The following FAM227B variants were observed in gnomAD, a reference collection of about 807,000 sequenced individuals.
FAM227B encodes protein FAM227B.
FAM227B carries 88 observed loss-of-function variants against 73.8 expected under a neutral mutation model. The ratio of observed to expected loss-of-function variants is 1.19; its 90% CI spans 1.00 to 1.42. The LOEUF (loss-of-function observed/expected upper bound fraction) is 1.42. Ranked by LOEUF, FAM227B falls within the 40% of genes most tolerant of loss-of-function variation. The pLI, the probability that FAM227B is intolerant of heterozygous loss-of-function variation, is 0.00. For synonymous variants in FAM227B, 210 were observed against 190.5 expected, an observed-to-expected ratio of 1.10 and a Z score of -0.84; for missense variants, 632 against 590.9, an observed-to-expected ratio of 1.07 and a Z score of -0.72.
In FAM227B at chr15:49,381,695, TA is replaced by T. The variant is rs1227338592; in HGVS notation, c.1013-10297del. On this transcript the variant is annotated intron_variant, in intron 11 of 15. Transcript: ENST00000299338. ...AACCAATGCAGTAAGCCAATAAAAA[TA>T]AATAAGAGGTGTAAATATTAGAATG... Among the ~76,000 whole-genome samples, 6 of 152,248 alleles carry T rather than the reference TA, an allele frequency of 3.9e-5. No individual in the cohort carries two copies. The South Asian group carries it at 1.2e-3, about 32-fold the overall frequency.
At chr15:49,565,564 T>C (rs2074590837) in intron 9 of FAM227B, among the ~76,000 whole-genome samples, 1 of 152,110 alleles carries the variant, frequency 6.6e-6, no homozygotes, top group South Asian at 2.1e-4. Context: ...CAGATAAGTA[T>C]TTATAATCAC....
chr15:49,571,567 G>A (rs1194901346), intron 8 of FAM227B, among the ~76,000 whole-genome samples: 1 of 151,820 alleles, frequency 6.6e-6, no homozygotes, highest in East Asian at 1.9e-4. Context: ...TCTGCATGTG[G>A]ATACTCAGTT....
intron 11 of FAM227B, among the ~76,000 whole-genome samples, chr15:49,439,338 A>T (rs931421338): frequency 1.3e-5 from 2 of 151,368 alleles, no homozygotes; most frequent in African/African-American, 4.8e-5. Flanking sequence ...GAGAGAGAGA[A>T]TCTTTAAGAT....
At chr15:49,357,212 G>A (rs1400921335) in intron 13 of FAM227B, among the ~76,000 whole-genome samples, 2 of 149,872 alleles carry the variant, frequency 1.3e-5, no homozygotes, top group Non-Finnish European at 3.0e-5. Flanking sequence ...AAAGCTAGCA[G>A]AAGGCAAGAA....
chr15:49,522,666 A>T (rs1723887860), intron 10 of FAM227B, among the ~76,000 whole-genome samples: 1 of 152,098 alleles, frequency 6.6e-6, no homozygotes, highest in South Asian at 2.1e-4. Context: ...AATAGACTAG[A>T]CCAAGTAGAA....
intron 13 of FAM227B, among the ~76,000 whole-genome samples, chr15:49,340,302 A>G (rs575352500): frequency 6.6e-6 from 1 of 152,190 alleles, no homozygotes; most frequent in Admixed American, 6.5e-5. Flanking sequence ...GGAAAAGCGC[A>G]GTATCTGGGC....
At chr15:49,489,472 T>G (rs1490983459) in intron 11 of FAM227B, 4 of 544,414 alleles carry the variant, frequency 7.3e-6, no homozygotes, top group Non-Finnish European at 9.4e-6. Flanking sequence ...GAACTCCCAA[T>G]GTAGCTGCAA....
In FAM227B at chr15:49,611,227, C is replaced by CT. The variant is rs774538106; in HGVS notation, c.92dup (p.Phe32ValfsTer14). ...ATGCTTTACTCACCCAATTTTGAAA[C>CT]TTTAAGAATTCTTCAATGCTCTTTG... is the stretch of plus-strand genomic sequence containing the variant. On this transcript the variant is annotated frameshift_variant, in exon 3 of 16. Coordinates refer to ENST00000299338, the MANE Select transcript of FAM227B (RefSeq NM_152647.3). LOFTEE classifies it high-confidence loss of function. 20 of 1,589,658 alleles carry CT rather than the reference C, an allele frequency of 1.3e-5. No individual in the cohort carries two copies. Among genetic ancestry groups the CT allele is most frequent in the Non-Finnish European group, 1.7e-5 (20 of 1,161,208 alleles).
intron 3 of FAM227B, among the ~76,000 whole-genome samples, chr15:49,597,990 A>C (rs962800755): frequency 1.3e-5 from 2 of 151,924 alleles, no homozygotes; most frequent in African/African-American, 4.8e-5. Context: ...AATAATTACC[A>C]ACAAAAAAAA....
intron 11 of FAM227B, among the ~76,000 whole-genome samples, chr15:49,415,957 C>T (rs1054087169): frequency 6.6e-6 from 1 of 152,122 alleles, no homozygotes; most frequent in Non-Finnish European, 1.5e-5. Context: ...GTTGACGTGT[C>T]CATACTACAG....
chr15:49,366,303 ATC>A (rs1378328926), intron 13 of FAM227B: 1 of 787,764 alleles, frequency 1.3e-6, no homozygotes, highest in Non-Finnish European at 2.4e-6. Flanking sequence ...GGAAATTCAG[ATC>A]TGTTACCTGA....
intron 11 of FAM227B, among the ~76,000 whole-genome samples, chr15:49,498,519 A>G (rs2057827336): frequency 6.6e-6 from 1 of 152,258 alleles, no homozygotes; most frequent in Non-Finnish European, 1.5e-5. Context: ...AACAGCCACT[A>G]TAACTTGGCC....
At chr15:49,338,494 C>T (rs924740005) in intron 13 of FAM227B, among the ~76,000 whole-genome samples, 9 of 152,192 alleles carry the variant, frequency 5.9e-5, no homozygotes, top group East Asian at 3.8e-4. Flanking sequence ...CAGAGAGATC[C>T]GCTGTTAGTC....
intron 10 of FAM227B, among the ~76,000 whole-genome samples, chr15:49,531,710 G>A (rs1413391722): frequency 6.6e-6 from 1 of 151,886 alleles, no homozygotes; most frequent in African/African-American, 2.4e-5. Flanking sequence ...AGTCCTCCAA[G>A]AGGCCCAGTG....
intron 11 of FAM227B, among the ~76,000 whole-genome samples, chr15:49,480,609 GT>G (rs1166176423): frequency 1.3e-5 from 2 of 151,502 alleles, no homozygotes; most frequent in Non-Finnish European, 2.9e-5. Flanking sequence ...AGCCTCCTGA[GT>G]AGCTGGGATT....
At chr15:49,512,460 G>A (rs141321300) in intron 10 of FAM227B, among the ~76,000 whole-genome samples, 2,528 of 151,332 alleles carry the variant, frequency 0.017, 33 homozygotes, top group Middle Eastern at 0.038. Context: ...ATTATTTTTT[G>A]TCCCTTATCA....
At position 49,372,094 on chromosome 15, in the gene FAM227B, ATAAATGAAATAAAAT is replaced by A. The variant is rs1362875120; in HGVS notation, c.1013-710_1013-696del. ...TCAATGAAATAAAATTCATTTATAA[ATAAATGAAATAAAAT>A]TCATTTATAAATAAATGAAATAAAA... On this transcript the variant is annotated intron_variant, in intron 11 of 15. Coordinates refer to ENST00000299338, the MANE Select transcript of FAM227B (RefSeq NM_152647.3). Among the ~76,000 whole-genome samples, 343 of 92,650 alleles carry A rather than the reference ATAAATGAAATAAAAT, an allele frequency of 3.7e-3. 32 individuals carry two copies. Among genetic ancestry groups the A allele is most frequent in the African/African-American group, 0.01 (247 of 24,140 alleles). The allele number at this position is 92,650 out of a possible 152,430, so 60.8% of individuals were successfully genotyped here.
intron 11 of FAM227B, chr15:49,396,058 T>A (rs1326707820): frequency 6.7e-6 from 3 of 450,040 alleles, no homozygotes; most frequent in Non-Finnish European, 1.3e-5. Flanking sequence ...CAGAAGATGG[T>A]GATTTCTGCA....
At chr15:49,571,326 T>G (rs897781218) in intron 8 of FAM227B, among the ~76,000 whole-genome samples, 1 of 152,036 alleles carries the variant, frequency 6.6e-6, no homozygotes, top group Non-Finnish European at 1.5e-5. Context: ...TATTGACTGT[T>G]TGCTTTGCTC....
Sources: gnomAD v4.1 joint callset for allele counts (sites outside exome capture counted in the v4.1 genomes callset) on GRCh38, gnomAD v4.1.1 for gene constraint, MANE v1.5 for transcripts, NCBI Gene and HGNC (gene_info 2026-07-23, HGNC 2026-07-21) for gene names.